LIMK2: variants seen among roughly 807,000 people sequenced by gnomAD.
LIMK2 encodes LIM domain kinase 2.
LIMK2 carries 35 observed loss-of-function variants against 75.7 expected under a neutral mutation model. The ratio of observed to expected loss-of-function variants is 0.46; its 90% CI spans 0.35 to 0.61. The LOEUF is 0.61. LIMK2 is among the 20% of genes least tolerant of loss of function. The pLI is 0.00. For synonymous variants in LIMK2, 301 were observed against 319.2 expected, an observed-to-expected ratio of 0.94 and a Z score of 0.61; for missense variants, 623 against 831.0, an observed-to-expected ratio of 0.75 and a Z score of 3.08.
At chr22:31,271,030 C>G in intron 11 of LIMK2, 106 bp from the exon 12 acceptor site, 3 of 989,396 alleles carry the variant, frequency 3.0e-6, no homozygotes, top group Non-Finnish European at 4.8e-6. Flanking sequence ...GGTTCTGAAG[C>G]TGGGTGGGCA....
chr22:31,244,820 G>A (rs896531964), intron 2 of LIMK2, among the ~76,000 whole-genome samples: 5 of 152,168 alleles, frequency 3.3e-5, no homozygotes, highest in South Asian at 2.1e-4. Flanking sequence ...GTGCATTGTC[G>A]CATTCAAACC....
intron 7 of LIMK2, among the ~76,000 whole-genome samples, chr22:31,264,166 AGAGG>A (rs1336289518): frequency 6.6e-6 from 1 of 152,172 alleles, no homozygotes; most frequent in Admixed American, 6.5e-5. Flanking sequence ...GCAGGGCAAC[AGAGG>A]GCAGGGAAGA....
Position 31,246,703 on chromosome 22 carries a change from G to T in LIMK2, c.117-11588G>T, listed in dbSNP as rs147332883. Among the ~76,000 whole-genome samples the T allele has an allele frequency of 4.0e-3, 592 of 148,204 alleles. 1 individual carries two copies. The highest frequency in any genetic ancestry group is 0.014 in the African/African-American group (547 of 40,136). ...AGAAGGTCGAGGTCAAGATTGTAGT[G>T]AGCCATGATGGCATCACCGCACTCC... is the stretch of plus-strand genomic sequence containing the variant. On this transcript the variant is annotated intron_variant, in intron 2 of 15. Coordinates refer to ENST00000331728, the MANE Select transcript of LIMK2 (RefSeq NM_005569.4).
chr22:31,216,585 C>A (rs1329709614), intron 1 of LIMK2, among the ~76,000 whole-genome samples: 1 of 152,082 alleles, frequency 6.6e-6, no homozygotes, highest in Non-Finnish European at 1.5e-5. Flanking sequence ...AAGGCACCAA[C>A]CAATAAAAGA....
intron 1 of LIMK2, 54 bp downstream of exon 1, chr22:31,212,478 A>G: frequency 7.6e-7 from 1 of 1,311,556 alleles, no homozygotes; most frequent in Non-Finnish European, 9.8e-7. Context: ...GTCCGGTTCC[A>G]TGGCGCCTGA....
intron 1 of LIMK2, among the ~76,000 whole-genome samples, chr22:31,214,637 CA>C (rs1055182621): frequency 8.6e-5 from 13 of 151,638 alleles, no homozygotes; most frequent in South Asian, 2.1e-4. Flanking sequence ...CTTAAAAATG[CA>C]AGTTTATGCT....
At chr22:31,234,001 G>A (rs2048550186) in intron 2 of LIMK2, among the ~76,000 whole-genome samples, 1 of 152,038 alleles carries the variant, frequency 6.6e-6, no homozygotes, top group African/African-American at 2.4e-5. Context: ...GTTGGAAGGA[G>A]TGATTTTTGT....
At chr22:31,274,259 C>A (rs1011440548) in intron 14 of LIMK2, among the ~76,000 whole-genome samples, 1 of 152,018 alleles carries the variant, frequency 6.6e-6, no homozygotes, top group Non-Finnish European at 1.5e-5. Flanking sequence ...AAGATTCCTA[C>A]CTTTAGGAGT....
At chr22:31,274,529 T>C (rs564193579) in intron 14 of LIMK2, among the ~76,000 whole-genome samples, 1 of 152,094 alleles carries the variant, frequency 6.6e-6, no homozygotes, top group Non-Finnish European at 1.5e-5. Context: ...GCCTCCCAAG[T>C]AGCTGGGACT....
At chr22:31,270,056 T>A (rs2048940099) in intron 11 of LIMK2, among the ~76,000 whole-genome samples, 1 of 152,014 alleles carries the variant, frequency 6.6e-6, no homozygotes, top group Admixed American at 6.6e-5. Context: ...GTTGAGCAAC[T>A]GGTTTGGGAA....
chr22:31,248,266 C>T, intron 2 of LIMK2: 1 of 1,032,112 alleles, frequency 9.7e-7, no homozygotes. Context: ...TGTTTCCTAA[C>T]AGCTGCTCCA....
intron 2 of LIMK2, among the ~76,000 whole-genome samples, chr22:31,255,763 G>A (rs188230546): frequency 2.0e-5 from 3 of 152,216 alleles, no homozygotes; most frequent in East Asian, 1.9e-4. Flanking sequence ...TAATGCACTT[G>A]CCTGGCAAAA....
intron 2 of LIMK2, among the ~76,000 whole-genome samples, chr22:31,244,955 C>G (rs1488386106): frequency 6.6e-6 from 1 of 152,204 alleles, no homozygotes; most frequent in Non-Finnish European, 1.5e-5. Context: ...TGACCTCAGG[C>G]AAGTGATTTA....
rs8139239 is a variant in LIMK2, at chr22:31,244,585, T to C, written c.117-13706T>C. Among the ~76,000 whole-genome samples the C allele has an allele frequency of 8.7e-3, 1,329 of 152,100 alleles. 24 individuals carry two copies. The highest frequency in any genetic ancestry group is 0.031 in the African/African-American group (1,273 of 41,488). On this transcript the variant is annotated intron_variant, in intron 2 of 15. Coordinates refer to ENST00000331728, the MANE Select transcript of LIMK2 (RefSeq NM_005569.4). ...CCTGCTCAAGAGTTTAAACTCAACT[T>C]GAGACCCAAGGAAAATAGAGAGCCC... is the stretch of plus-strand genomic sequence containing the variant.
chr22:31,279,650 C>G lies in LIMK2; in HGVS notation c.*1209C>G, dbSNP rs938990471. The G allele has an allele frequency of 2.0e-5, 3 of 152,190 alleles. No individual in the cohort carries two copies. The highest frequency in any genetic ancestry group is 2.0e-4 in the Admixed American group (3 of 15,284). 9.4% of individuals were successfully genotyped at this position (152,190 alleles called of 1,614,324 possible). A position where few individuals can be genotyped will look rare whatever the true frequency, so the allele number is the denominator to read the frequency against. The stretch of plus-strand genomic sequence containing the variant: ...CTTGGCTCCCAGAGCTCTAGGAACT[C>G]TTCATCACAACTAGATTTGCCTCTT... On this transcript the variant is annotated 3_prime_UTR_variant, in exon 16 of 16. Transcript: ENST00000331728.
Position 31,262,577 on chromosome 22 carries a change from T to TA in LIMK2, c.658-17dup. 1 of 1,602,220 alleles carries TA rather than the reference T, an allele frequency of 6.2e-7. No individual in the cohort carries two copies. Among genetic ancestry groups the TA allele is most frequent in the South Asian group, 1.1e-5 (1 of 89,632 alleles). On this transcript the variant is annotated splice_polypyrimidine_tract_variant and intron_variant, in intron 6 of 15. Transcript: ENST00000331728. This position sits in a 1 kb window ranked among gnomAD's most constrained non-coding sequence, Gnocchi z 5.0. ...GATGGGGCAGCCTGTGGGAGCTTTATACTGCTCTTGGCCACAGGTGGAGGA... is the reference window on the plus strand; with the variant it reads ...GATGGGGCAGCCTGTGGGAGCTTTATAACTGCTCTTGGCCACAGGTGGAGGA...
intron 2 of LIMK2, among the ~76,000 whole-genome samples, chr22:31,255,278 AT>A (rs1184043077): frequency 6.6e-6 from 1 of 152,260 alleles, no homozygotes; most frequent in East Asian, 1.9e-4. Flanking sequence ...CTCATCCCAC[AT>A]GTATCTTATA....
chr22:31,252,676 A>G (rs140411081), intron 2 of LIMK2, among the ~76,000 whole-genome samples: 3 of 152,312 alleles, frequency 2.0e-5, no homozygotes, highest in African/African-American at 7.2e-5. Flanking sequence ...GCATAGGAGA[A>G]AAAGGGGTCT....
chr22:31,248,048 C>CTT (rs558208756), intron 2 of LIMK2, among the ~76,000 whole-genome samples: 1 of 145,378 alleles, frequency 6.9e-6, no homozygotes. Context: ...GCATCCTCTG[C>CTT]TTTTTTTTTT....
Sources: gnomAD v4.1 joint callset for allele counts (sites outside exome capture counted in the v4.1 genomes callset) on GRCh38, gnomAD v4.1.1 for gene constraint, Gnocchi (gnomAD v3.1) non-coding constraint, MANE v1.5 for transcripts, NCBI Gene and HGNC (gene_info 2026-07-23, HGNC 2026-07-21) for gene names.